Variants in DENND2C observed in about 807,000 individuals in gnomAD.
DENND2C encodes DENN domain containing 2C.
A neutral mutation model predicts 112.4 loss-of-function variants in DENND2C; 72 were observed. The observed-to-expected ratio is 0.64, with a 90% CI of 0.53 to 0.78. The LOEUF (loss-of-function observed/expected upper bound fraction) is 0.78. Ranked by LOEUF, DENND2C falls within the 30% of genes least tolerant of loss-of-function variation. DENND2C has a pLI of 0.00. For synonymous variants in DENND2C, 329 were observed against 381.6 expected (o/e 0.86, Z 1.61); for missense variants, 992 against 1,113.8 (o/e 0.89, Z 1.56).
chr1:114,602,226 CCAAA>C (rs1655532740), intron 11 of DENND2C, 32 bp from the exon 12 acceptor site: 1 of 1,606,104 alleles, frequency 6.2e-7, no homozygotes, highest in Non-Finnish European at 8.5e-7. Context: ...AGTTTAGGAT[CCAAA>C]CAATTACTTA....
At chr1:114,586,784 T>C (rs978759134) in intron 20 of DENND2C, 1 of 151,958 alleles carries the variant, frequency 6.6e-6, no homozygotes, top group African/African-American at 2.4e-5. Flanking sequence ...CTCTGTCATC[T>C]GTGGCAAGAT....
At chr1:114,666,130 A>T (rs185389541) in intron 1 of DENND2C, among the ~76,000 whole-genome samples, 117 of 152,308 alleles carry the variant, frequency 7.7e-4, no homozygotes, top group Admixed American at 6.6e-3. Flanking sequence ...CTTTTGAGCC[A>T]ATTGATTTTA....
intron 2 of DENND2C, among the ~76,000 whole-genome samples, chr1:114,645,958 G>A (rs1177677295): frequency 6.7e-6 from 1 of 150,216 alleles, no homozygotes; most frequent in Non-Finnish European, 1.5e-5. Context: ...ACAGAGTCTC[G>A]CTCTGTCGCC....
intron 5 of DENND2C, 112 bp downstream of exon 5, chr1:114,623,395 G>C (rs1656219819): frequency 9.2e-7 from 1 of 1,087,656 alleles, no homozygotes; most frequent in Non-Finnish European, 1.3e-6. Context: ...ATGCTAAAGA[G>C]AAAAACCTAG....
chr1:114,597,969 T>C (rs1655390136), intron 16 of DENND2C, among the ~76,000 whole-genome samples: 1 of 152,124 alleles, frequency 6.6e-6, no homozygotes, highest in Non-Finnish European at 1.5e-5. Flanking sequence ...ATTATACAAC[T>C]GATGATAAAA....
chr1:114,664,834 T>C (rs538651190), intron 1 of DENND2C, among the ~76,000 whole-genome samples: 1 of 150,772 alleles, frequency 6.6e-6, no homozygotes, highest in Non-Finnish European at 1.5e-5. Flanking sequence ...GGCTCACACC[T>C]GTAATCCCAG....
intron 3 of DENND2C, among the ~76,000 whole-genome samples, chr1:114,633,387 C>T (rs1278018401): frequency 7.1e-6 from 1 of 139,964 alleles, no homozygotes; most frequent in Non-Finnish European, 1.5e-5. Context: ...TTGCAGTAAG[C>T]CAAGATCGCA....
Position 114,585,477 on chromosome 1 carries a change from T to C in DENND2C, c.*123A>G, listed in dbSNP as rs908583689. ...GAGAATCCTCCTCTAACAGCCTGAC[T>C]CGCTCTTTAACCTTTTAAAATTTCA... On this transcript the variant is annotated 3_prime_UTR_variant, in exon 21 of 21. Coordinates refer to ENST00000393274, the MANE Select transcript of DENND2C (RefSeq NM_001256404.2). 5.9e-6 allele frequency: 6 copies of C among 1,013,544 alleles called. No individual in the cohort carries two copies. In the Admixed American group the frequency reaches 1.4e-4, roughly 23 times the overall value. The allele number at this position is 1,013,544 out of a possible 1,614,324, so 62.8% of individuals were successfully genotyped here. A position where few individuals can be genotyped will look rare whatever the true frequency, so the allele number is the denominator to read the frequency against.
intron 3 of DENND2C, among the ~76,000 whole-genome samples, chr1:114,644,110 T>A (rs1570802131): frequency 6.6e-6 from 1 of 152,142 alleles, no homozygotes; most frequent in African/African-American, 2.4e-5. Flanking sequence ...CAAATCAAAT[T>A]CCCACCACTT....
chr1:114,607,212 T>G (rs1655681501), intron 10 of DENND2C, among the ~76,000 whole-genome samples: 1 of 152,214 alleles, frequency 6.6e-6, no homozygotes, highest in Non-Finnish European at 1.5e-5. Flanking sequence ...CTTTAAGACC[T>G]TGGCACATGC....
At chr1:114,608,603 A>G in intron 10 of DENND2C, 83 bp downstream of exon 10, 1 of 1,476,726 alleles carries the variant, frequency 6.8e-7, no homozygotes, top group Middle Eastern at 2.0e-4. Context: ...TTGTTGAGAT[A>G]ACAAAAACCA....
At chr1:114,665,277 A>G (rs886440238) in intron 1 of DENND2C, among the ~76,000 whole-genome samples, 1 of 151,878 alleles carries the variant, frequency 6.6e-6, no homozygotes, top group Admixed American at 6.6e-5. Flanking sequence ...TCTTGAAAAA[A>G]AAAAAAAAAA....
At chr1:114,591,074 C>A (rs1414534533) in intron 18 of DENND2C, among the ~76,000 whole-genome samples, 1 of 152,036 alleles carries the variant, frequency 6.6e-6, no homozygotes, top group Non-Finnish European at 1.5e-5. Flanking sequence ...GCAAGTGATC[C>A]TTCCACCCAA....
At chr1:114,614,448 G>A (rs1480213077) in intron 8 of DENND2C, among the ~76,000 whole-genome samples, 2 of 152,208 alleles carry the variant, frequency 1.3e-5, no homozygotes, top group South Asian at 4.1e-4. Context: ...CATTGGAGGA[G>A]TTGGTCACAG....
intron 2 of DENND2C, among the ~76,000 whole-genome samples, chr1:114,650,760 G>A (rs1372528630): frequency 6.7e-6 from 1 of 150,340 alleles, no homozygotes; most frequent in Non-Finnish European, 1.5e-5. Flanking sequence ...ATTGTACAAT[G>A]TAACTTTCTA....
chr1:114,658,575 A>AG (rs1370068791), intron 1 of DENND2C, among the ~76,000 whole-genome samples: 4 of 152,282 alleles, frequency 2.6e-5, no homozygotes, highest in African/African-American at 9.6e-5. Flanking sequence ...ACTCAGTAAG[A>AG]GGGATAATAA....
chr1:114,589,888 A>T lies in DENND2C; in HGVS notation c.2432-1936T>A, dbSNP rs12062678. On this transcript the variant is annotated intron_variant, in intron 18 of 20. Coordinates refer to ENST00000393274, the MANE Select transcript of DENND2C (RefSeq NM_001256404.2). The stretch of plus-strand genomic sequence containing the variant: ...ATTACTAATGTCTTTGAAGTTTCCT[A>T]TGCGACTCCAATGGCATTCTTCTTC... Among the ~76,000 whole-genome samples the T allele has an allele frequency of 5.1e-3, 784 of 152,320 alleles. 7 individuals carry two copies. Among genetic ancestry groups the T allele is most frequent in the African/African-American group, 0.018 (738 of 41,564 alleles).
chr1:114,585,704 T>G, intron 20 of DENND2C, 73 bp from the exon 21 acceptor site: 14 of 1,483,760 alleles, frequency 9.4e-6, no homozygotes, highest in Non-Finnish European at 7.5e-6. Context: ...GGTAAGGGAT[T>G]AACAGGTCAG....
At chr1:114,610,825 T>G (rs1655796757) in intron 9 of DENND2C, among the ~76,000 whole-genome samples, 1 of 152,186 alleles carries the variant, frequency 6.6e-6, no homozygotes, top group South Asian at 2.1e-4. Context: ...CCTAAGAATA[T>G]TCCATCATAA....
Sources: allele counts gnomAD v4.1 joint callset (sites outside exome capture counted in the v4.1 genomes callset), GRCh38; gene constraint gnomAD v4.1.1; transcripts MANE v1.5; gene names NCBI Gene and HGNC (gene_info 2026-07-23, HGNC 2026-07-21).